TAF4: variants seen among roughly 807,000 people sequenced by gnomAD.
TAF4 encodes transcription initiation factor TFIID subunit 4.
A neutral mutation model predicts 90.3 loss-of-function variants in TAF4; 9 were observed. That is an observed-to-expected ratio of 0.10 (90% CI 0.06 to 0.17). TAF4 has a LOEUF of 0.17. TAF4 is among the 10% of genes least tolerant of loss of function. TAF4 has a pLI of 1.00. For missense variants in TAF4, 1,351 were observed against 1,370.7 expected, an observed-to-expected ratio of 0.99 and a Z score of 0.23; for synonymous variants, 818 against 638.9, an observed-to-expected ratio of 1.28 and a Z score of -4.23.
rs771068892 is a variant in TAF4 at position 62,003,714 on chromosome 20, G to A, written c.2371+17C>T. 4 of 1,567,542 alleles carry A rather than the reference G, an allele frequency of 2.6e-6. No individual in the cohort carries two copies. The South Asian group carries it at 3.5e-5, about 14-fold the overall frequency. On this transcript the variant is annotated intron_variant, in intron 8 of 14. Coordinates refer to ENST00000252996, the MANE Select transcript of TAF4 (RefSeq NM_003185.4). ...AGCCCTTGGTGTTGAGCGGCCAGGG[G>A]CCCGCGAGGCCCTCACCTGGCTGCA...
chr20:62,030,406 G>A (rs1373029586), intron 1 of TAF4, among the ~76,000 whole-genome samples: 2 of 152,190 alleles, frequency 1.3e-5, no homozygotes, highest in East Asian at 1.9e-4. Flanking sequence ...TGCGTAGACA[G>A]ACACATAATT....
At chr20:61,983,576 T>C (rs568385099) in intron 14 of TAF4, among the ~76,000 whole-genome samples, 2 of 152,248 alleles carry the variant, frequency 1.3e-5, no homozygotes, top group Non-Finnish European at 2.9e-5. Context: ...GGCAGGAGGA[T>C]CCTTCTTAAG....
chr20:62,065,362 G>A lies in TAF4; in HGVS notation c.449C>T (p.Pro150Leu), dbSNP rs1427470897. The change falls in exon 1 of 15, where the codon CCC becomes CTC. Residue 150 changes from proline to leucine, a missense_variant. Pro to Leu is a moderately conservative substitution (Grantham distance 98). Transcript: ENST00000252996. ...GGCGGGGCCGGCGGGGGCGGGCTCG[G>A]GCCCCGCGGCGACGGCGGCGGCGGC... Reference protein sequence around the residue: ...VPAAAAVAAGPEPAPAGPAKP... With the variant: ...VPAAAAVAAGLEPAPAGPAKP... The A allele has an allele frequency of 6.2e-6, 6 of 970,920 alleles. No individual in the cohort carries two copies. Among genetic ancestry groups the A allele is most frequent in the African/African-American group, 3.6e-5 (2 of 55,192 alleles). 60.1% of individuals were successfully genotyped at this position (970,920 alleles called of 1,614,324 possible). A position where few individuals can be genotyped will look rare whatever the true frequency, so the allele number is the denominator to read the frequency against.
At chr20:62,043,220 G>A (rs1253225915) in intron 1 of TAF4, among the ~76,000 whole-genome samples, 1 of 152,076 alleles carries the variant, frequency 6.6e-6, no homozygotes, top group African/African-American at 2.4e-5. Flanking sequence ...CCGGGAGCCT[G>A]AGGTGGGAGG....
intron 11 of TAF4, 69 bp from the exon 12 acceptor site, chr20:61,999,177 A>C: frequency 6.4e-7 from 1 of 1,569,920 alleles, no homozygotes; most frequent in Non-Finnish European, 8.7e-7. Flanking sequence ...GTTGTCTAGC[A>C]CCACTGGACC....
chr20:62,001,861 G>C (rs186876156), intron 9 of TAF4, among the ~76,000 whole-genome samples: 1 of 152,262 alleles, frequency 6.6e-6, no homozygotes, highest in Admixed American at 6.5e-5. Context: ...TCTCTCAGGA[G>C]TCCTTGTCAT....
At chr20:62,008,774 G>A (rs1353880396) in intron 5 of TAF4, 2 of 309,532 alleles carry the variant, frequency 6.5e-6, no homozygotes, top group African/African-American at 4.3e-5. Flanking sequence ...AGCCAGAGGA[G>A]AAGAGAGCCA....
chr20:61,978,608 C>T (rs1394129314), intron 14 of TAF4, among the ~76,000 whole-genome samples: 5 of 149,172 alleles, frequency 3.4e-5, no homozygotes, highest in Non-Finnish European at 7.4e-5. Context: ...AAGGAGGGGG[C>T]GAGACCAACC....
At chr20:62,041,029 G>A (rs868730210) in intron 1 of TAF4, among the ~76,000 whole-genome samples, 9 of 152,336 alleles carry the variant, frequency 5.9e-5, no homozygotes, top group Middle Eastern at 3.4e-3. Context: ...TGTTGCACAC[G>A]ATGCCCCTCC....
intron 3 of TAF4, among the ~76,000 whole-genome samples, chr20:62,011,305 C>T (rs1236809731): frequency 6.6e-6 from 1 of 152,180 alleles, no homozygotes; most frequent in African/African-American, 2.4e-5. Flanking sequence ...CAGGACCCAC[C>T]TCATCTTTTG....
chr20:62,025,482 C>T (rs2055869475), intron 1 of TAF4, among the ~76,000 whole-genome samples: 1 of 152,158 alleles, frequency 6.6e-6, no homozygotes, highest in South Asian at 2.1e-4. Flanking sequence ...CTGTAATCCC[C>T]ACGTGTGGAG....
rs1381083115 is a variant in TAF4 at position 62,012,617 on chromosome 20, GAAAA to G, written c.1641+194_1641+197del. 5.9e-6 allele frequency: 4 copies of G among 675,130 alleles called. No individual in the cohort carries two copies. The African/African-American group carries it at 7.8e-5, about 13-fold the overall frequency. The allele number at this position is 675,130 out of a possible 1,614,324, so 41.8% of individuals were successfully genotyped here. On this transcript the variant is annotated intron_variant, in intron 3 of 14. Coordinates refer to ENST00000252996, the MANE Select transcript of TAF4 (RefSeq NM_003185.4). ...CTGTGTGACTAAAAAAAAGAAAAAA[GAAAA>G]AAAGAAATCCTGACTTATCCCATGT...
intron 14 of TAF4, among the ~76,000 whole-genome samples, chr20:61,985,537 C>A (rs969196056): frequency 1.3e-5 from 2 of 151,996 alleles, no homozygotes; most frequent in Non-Finnish European, 2.9e-5. Flanking sequence ...AAGGGCCGCA[C>A]AGAAATGCTA....
At chr20:62,055,984 C>T (rs2056061518) in intron 1 of TAF4, among the ~76,000 whole-genome samples, 1 of 152,202 alleles carries the variant, frequency 6.6e-6, no homozygotes. Flanking sequence ...CACCTGTAAT[C>T]CCAGCACTCT....
At chr20:61,992,763 G>A (rs999659143) in intron 14 of TAF4, among the ~76,000 whole-genome samples, 2 of 152,114 alleles carry the variant, frequency 1.3e-5, no homozygotes, top group Non-Finnish European at 1.5e-5. Context: ...AACAGGAAAG[G>A]TGTAAGGTGA....
chr20:62,021,817 A>C (rs1196467648), intron 1 of TAF4, among the ~76,000 whole-genome samples: 9 of 152,168 alleles, frequency 5.9e-5, no homozygotes, highest in Admixed American at 5.2e-4. Context: ...AGTCTCACTT[A>C]AAGTTTTACA....
intron 1 of TAF4, among the ~76,000 whole-genome samples, chr20:62,030,084 C>G (rs60453815): frequency 2.6e-5 from 4 of 152,148 alleles, no homozygotes; most frequent in Admixed American, 1.3e-4. Flanking sequence ...CGCTGCGAGG[C>G]CAGGCGAGCA....
Position 62,065,253 on chromosome 20 carries a change from AGGGCCAGGGCCGGGGCCG to A in TAF4, c.540_557del (p.Pro182_Gly187del), listed in dbSNP as rs771643164. ...CGGCGCCGGGGCCGGCGGGCTTGCC[AGGGCCAGGGCCGGGGCCG>A]GGGCCGGGGCCGGGCCCGGGGCCGG... is the stretch of plus-strand genomic sequence containing the variant. On this transcript the variant is annotated inframe_deletion, in exon 1 of 15. Coordinates refer to ENST00000252996, the MANE Select transcript of TAF4 (RefSeq NM_003185.4). 601 of 21,308 alleles carry A rather than the reference AGGGCCAGGGCCGGGGCCG, an allele frequency of 0.028. 10 individuals are homozygous for A. The highest frequency in any genetic ancestry group is 0.084 in the South Asian group (56 of 666). The allele number at this position is 21,308 out of a possible 1,614,324, so 1.3% of individuals were successfully genotyped here. A position where few individuals can be genotyped will look rare whatever the true frequency, so the allele number is the denominator to read the frequency against.
chr20:62,016,157 C>T (rs888478346), intron 1 of TAF4, among the ~76,000 whole-genome samples: 1 of 152,224 alleles, frequency 6.6e-6, no homozygotes, highest in Non-Finnish European at 1.5e-5. Flanking sequence ...AGAGCTGCTG[C>T]GCGTAACGAG....
Sources: allele counts gnomAD v4.1 joint callset (sites outside exome capture counted in the v4.1 genomes callset), GRCh38; gene constraint gnomAD v4.1.1; transcripts MANE v1.5; gene names NCBI Gene and HGNC (gene_info 2026-07-23, HGNC 2026-07-21).